Variants in YLPM1 observed in about 807,000 individuals in gnomAD.
The protein encoded by YLPM1 is YLP motif-containing protein 1.
Under a neutral mutation model 230.0 loss-of-function variants are expected in YLPM1, and 99 were observed. That is an observed-to-expected ratio of 0.43 (90% CI 0.37 to 0.51). The LOEUF (loss-of-function observed/expected upper bound fraction) is 0.51. Among genes scored for constraint, YLPM1 ranks in the 20% least tolerant of loss-of-function variants. YLPM1 has a pLI of 0.00. For missense variants in YLPM1, 2,592 were observed against 2,707.7 expected (o/e 0.96, Z 0.95); for synonymous variants, 984 against 942.5 (o/e 1.04, Z -0.81).
intron 19 of YLPM1, among the ~76,000 whole-genome samples, chr14:74,834,518 A>G (rs907276685): frequency 7.2e-5 from 11 of 152,202 alleles, no homozygotes; most frequent in African/African-American, 2.7e-4. Flanking sequence ...TGGAAGTTCA[A>G]AAGCAGACAT....
intron 6 of YLPM1, among the ~76,000 whole-genome samples, chr14:74,808,258 T>A (rs931276872): frequency 2.0e-5 from 3 of 152,262 alleles, no homozygotes; most frequent in Non-Finnish European, 4.4e-5. Context: ...TGTGTCTATC[T>A]TCTTTTCAAA....
chr14:74,782,375 CTT>C, intron 4 of YLPM1, 50 bp downstream of exon 4: 1 of 1,483,310 alleles, frequency 6.7e-7, no homozygotes, highest in Non-Finnish European at 8.9e-7. Flanking sequence ...ATTTTATTGA[CTT>C]AGGCTATTTG....
intron 1 of YLPM1, among the ~76,000 whole-genome samples, chr14:74,765,328 A>G: frequency 6.6e-6 from 1 of 152,246 alleles, no homozygotes; most frequent in East Asian, 1.9e-4. Flanking sequence ...TGTAATATAA[A>G]CGCTCAGATT....
intron 4 of YLPM1, among the ~76,000 whole-genome samples, chr14:74,789,868 C>T (rs1265396944): frequency 6.6e-6 from 1 of 151,782 alleles, no homozygotes; most frequent in Admixed American, 6.6e-5. Flanking sequence ...AGGCCATCTG[C>T]CCACCTTGGC....
intron 15 of YLPM1, 39 bp from the exon 16 acceptor site, chr14:74,818,192 G>GT: frequency 6.7e-7 from 1 of 1,491,252 alleles, no homozygotes; most frequent in Non-Finnish European, 9.1e-7. Flanking sequence ...TCTTTGAGTA[G>GT]TTTCTAGAGA....
intron 18 of YLPM1, among the ~76,000 whole-genome samples, chr14:74,828,456 C>T (rs912144670): frequency 3.9e-5 from 6 of 152,100 alleles, no homozygotes; most frequent in Non-Finnish European, 7.3e-5. Context: ...TTTAAGACAC[C>T]TAAACTCATA....
intron 6 of YLPM1, among the ~76,000 whole-genome samples, chr14:74,808,757 TCG>T: frequency 6.7e-6 from 1 of 148,562 alleles, no homozygotes; most frequent in East Asian, 2.0e-4. Flanking sequence ...TGAGCTGAGA[TCG>T]CGCCATTGCA....
chr14:74,806,272 G>A (rs546952638), intron 6 of YLPM1, among the ~76,000 whole-genome samples: 1 of 151,960 alleles, frequency 6.6e-6, no homozygotes, highest in South Asian at 2.1e-4. Flanking sequence ...CAGGAGAATC[G>A]CTTGAACCTG....
chr14:74,794,619 A>T (rs991880512), intron 4 of YLPM1, among the ~76,000 whole-genome samples: 2 of 151,780 alleles, frequency 1.3e-5, no homozygotes, highest in African/African-American at 4.8e-5. Context: ...TGTCTTTAAG[A>T]TAATATTAGT....
Position 74,764,193 on chromosome 14 carries a change from C to T in YLPM1, c.704C>T (p.Pro235Leu), listed in dbSNP as rs1446063672. 10 of 1,613,322 alleles carry T rather than the reference C, an allele frequency of 6.2e-6. No individual in the cohort carries two copies. Among genetic ancestry groups the T allele is most frequent in the Non-Finnish European group, 7.6e-6 (9 of 1,179,770 alleles). The change falls in exon 1 of 21, where the codon CCC (proline) becomes CTC (leucine). Residue 235 changes from proline to leucine, a missense_variant. Physicochemically the swap from Pro to Leu is moderately conservative, Grantham distance 98. This residue lies in a region of YLPM1 where 1,862 missense variants were observed against 1,819.8 expected (regional missense o/e 1.02). Transcript: ENST00000325680. ...LPSSQASPSR[P>L]SQGHSKSQLL... The stretch of plus-strand genomic sequence containing the variant: ...TCTTCTCAGGCATCTCCTTCCCGCC[C>T]CTCCCAGGGCCATTCTAAATCCCAA...
intron 1 of YLPM1, among the ~76,000 whole-genome samples, chr14:74,774,491 C>T (rs866749453): frequency 6.6e-5 from 10 of 151,572 alleles, no homozygotes; most frequent in South Asian, 2.1e-4. Flanking sequence ...CTGCAACCTC[C>T]GCCTCCTGGG....
intron 1 of YLPM1, among the ~76,000 whole-genome samples, chr14:74,774,487 C>T (rs1055465955): frequency 7.2e-5 from 11 of 151,874 alleles, no homozygotes; most frequent in Non-Finnish European, 1.5e-4. Context: ...CTCACTGCAA[C>T]CTCCGCCTCC....
At chr14:74,835,568 GAGTA>G in intron 20 of YLPM1, 121 bp downstream of exon 20, 1 of 845,974 alleles carries the variant, frequency 1.2e-6, no homozygotes, top group Non-Finnish European at 1.8e-6. Flanking sequence ...AGTTCTGAAA[GAGTA>G]AGTATGTACT....
chr14:74,816,164 T>G, intron 11 of YLPM1, 39 bp from the exon 12 acceptor site: 1 of 1,530,348 alleles, frequency 6.5e-7, no homozygotes, highest in Middle Eastern at 1.7e-4. Context: ...AAATTTTCTC[T>G]CAGTGATTTT....
chr14:74,763,737 C>T lies in YLPM1; in HGVS notation c.248C>T (p.Pro83Leu), dbSNP rs960401134. The change falls in exon 1 of 21, where the codon CCG (proline) becomes CTG (leucine). Residue 83 changes from proline (P) to leucine (L), a missense_variant. Pro to Leu is a moderately conservative substitution (Grantham distance 98). Transcript: ENST00000325680. ...GTGCTTCAGCCCCACCACCTTCCTC[C>T]GCCCCCTCTGCCGCCCCCGCCAGTG... ...QCVLQPHHLP[P>L]PPLPPPPVMP... 8.6e-6 allele frequency: 13 copies of T among 1,513,900 alleles called. No homozygotes were observed. Among genetic ancestry groups the T allele is most frequent in the Middle Eastern group, 1.8e-4 (1 of 5,626 alleles). The allele number at this position is 1,513,900 out of a possible 1,614,324, so 93.8% of individuals were successfully genotyped here.
chr14:74,780,288 G>A, intron 2 of YLPM1, 117 bp from the exon 3 acceptor site: 1 of 1,286,042 alleles, frequency 7.8e-7, no homozygotes, highest in Non-Finnish European at 1.0e-6. Context: ...AAGATACTGT[G>A]TTTGACAGTT....
chr14:74,787,795 A>C (rs1359480704), intron 4 of YLPM1, among the ~76,000 whole-genome samples: 2 of 152,106 alleles, frequency 1.3e-5, no homozygotes, highest in East Asian at 3.9e-4. Flanking sequence ...CGAGCGGATC[A>C]CTTGAGGTCA....
At chr14:74,775,668 TTAGAA>T (rs1364945173) in intron 1 of YLPM1, among the ~76,000 whole-genome samples, 4 of 152,234 alleles carry the variant, frequency 2.6e-5, no homozygotes, top group Non-Finnish European at 5.9e-5. Context: ...TAGCCAAGTT[TTAGAA>T]TGAACAAAGA....
chr14:74,788,784 A>G (rs2091173786), intron 4 of YLPM1, among the ~76,000 whole-genome samples: 1 of 152,186 alleles, frequency 6.6e-6, no homozygotes. Flanking sequence ...CCAAGGCAGC[A>G]GTGAGCTGTG....
Sources: gnomAD v4.1 joint callset for allele counts (sites outside exome capture counted in the v4.1 genomes callset) on GRCh38, gnomAD v4.1.1 for gene constraint, gnomAD v4.1.1 regional missense constraint, MANE v1.5 for transcripts, NCBI Gene and HGNC (gene_info 2026-07-23, HGNC 2026-07-21) for gene names.